Variants in ADGRL2 observed in about 807,000 individuals in gnomAD.
The protein encoded by ADGRL2 is calcium-independent alpha-latrotoxin receptor 2.
A neutral mutation model predicts 157.4 loss-of-function variants in ADGRL2; 44 were observed. That is an observed-to-expected ratio of 0.28 (90% CI 0.22 to 0.36). The LOEUF (loss-of-function observed/expected upper bound fraction) is 0.36. Among genes scored for constraint, ADGRL2 ranks in the 10% least tolerant of loss-of-function variants. The pLI, the probability that ADGRL2 is intolerant of heterozygous loss-of-function variation, is 1.00. For missense variants in ADGRL2, 1,510 were observed against 1,768.9 expected (o/e 0.85, Z 2.63); for synonymous variants, 585 against 624.7 (o/e 0.94, Z 0.95).
At chr1:81,730,366 CTAATTA>C (rs2084677174) in intron 1 of ADGRL2, among the ~76,000 whole-genome samples, 1 of 151,960 alleles carries the variant, frequency 6.6e-6, no homozygotes, top group African/African-American at 2.4e-5. Flanking sequence ...TTTAAATTTA[CTAATTA>C]TAATAACACA....
intron 2 of ADGRL2, among the ~76,000 whole-genome samples, chr1:81,531,482 G>A (rs1006594722): frequency 5.9e-5 from 9 of 152,172 alleles, no homozygotes; most frequent in African/African-American, 1.9e-4. Context: ...TAGTAGACAG[G>A]CAATTAATAA....
rs368813406 is a variant in ADGRL2 at position 81,526,340 on chromosome 1, TTAAC to T, written c.-247-54533_-247-54530del. On this transcript the variant is annotated intron_variant, in intron 2 of 24. Coordinates refer to the ADGRL2 transcript ENST00000370721. ...AAACCCTGATCAGCTATTTTGCAGT[TTAAC>T]TATTCCCTGTAGATATTTTCCTCAC... 9.9e-4 allele frequency among the ~76,000 whole-genome samples: 151 copies of T among 152,322 alleles called. 1 individual carries two copies. The highest frequency in any genetic ancestry group is 3.4e-3 in the African/African-American group (143 of 41,572).
intron 1 of ADGRL2, chr1:81,722,415 C>G: frequency 2.1e-6 from 2 of 945,760 alleles, no homozygotes; most frequent in Non-Finnish European, 3.4e-6. Flanking sequence ...TTCACAAATG[C>G]CATTAAGCTG....
chr1:81,978,307 G>A (rs1192513286), intron 17 of ADGRL2, among the ~76,000 whole-genome samples: 1 of 151,542 alleles, frequency 6.6e-6, no homozygotes, highest in East Asian at 1.9e-4. Context: ...TAACATCTCC[G>A]AAAATTCAAG....
At chr1:81,801,255 G>A (rs1401900376) in intron 1 of ADGRL2, among the ~76,000 whole-genome samples, 187 bp downstream of exon 1, 1 of 152,210 alleles carries the variant, frequency 6.6e-6, no homozygotes, top group Non-Finnish European at 1.5e-5. Context: ...ACTCAGGAGG[G>A]AGAGATTTGT....
At chr1:81,710,897 A>G (rs2083906290) in intron 1 of ADGRL2, among the ~76,000 whole-genome samples, 1 of 152,040 alleles carries the variant, frequency 6.6e-6, no homozygotes, top group South Asian at 2.1e-4. Flanking sequence ...AACCATATCA[A>G]TGAACATTTA....
chr1:81,610,105 C>T (rs145878819), intron 3 of ADGRL2, among the ~76,000 whole-genome samples: 1 of 152,172 alleles, frequency 6.6e-6, no homozygotes, highest in African/African-American at 2.4e-5. Flanking sequence ...GCTAGTTGCA[C>T]CAGGGGTGCA....
At chr1:81,453,914 G>GA (rs1358084488) in intron 2 of ADGRL2, among the ~76,000 whole-genome samples, 6 of 151,860 alleles carry the variant, frequency 4.0e-5, no homozygotes, top group South Asian at 2.1e-4. Flanking sequence ...GTTTTGGAAG[G>GA]AAAAAAAATC....
intron 16 of ADGRL2, 65 bp downstream of exon 16, chr1:81,970,599 C>T: frequency 8.6e-7 from 1 of 1,165,048 alleles, no homozygotes; most frequent in Non-Finnish European, 1.3e-6. Flanking sequence ...TGTTAGCTGT[C>T]AGTGAGGGTC....
chr1:81,502,885 C>T, intron 2 of ADGRL2: 4 of 1,613,458 alleles, frequency 2.5e-6, no homozygotes, highest in East Asian at 2.2e-5. Context: ...CATCCTTGGG[C>T]TTGGCTCCAG....
intron 1 of ADGRL2, among the ~76,000 whole-genome samples, chr1:81,406,029 G>A (rs1458025484): frequency 6.6e-6 from 1 of 152,112 alleles, no homozygotes; most frequent in African/African-American, 2.4e-5. Context: ...TCTTGAAAAA[G>A]TTTGAGAAGA....
chr1:81,990,324 A>G (rs965306742), intron 23 of ADGRL2, 67 bp from the exon 24 acceptor site: 13 of 1,541,072 alleles, frequency 8.4e-6, no homozygotes, highest in Non-Finnish European at 1.1e-5. Flanking sequence ...AGTTTTGTAC[A>G]AAAGAAATAG....
chr1:81,789,068 A>G (rs1284725194), intron 2 of ADGRL2, among the ~76,000 whole-genome samples: 1 of 152,180 alleles, frequency 6.6e-6, no homozygotes, highest in African/African-American at 2.4e-5. Flanking sequence ...TTGACAGATG[A>G]TAGATTAAAA....
chr1:81,967,946 C>T (rs1428494384), intron 13 of ADGRL2, 80 bp from the exon 14 acceptor site: 4 of 1,162,286 alleles, frequency 3.4e-6, no homozygotes, highest in Non-Finnish European at 5.1e-6. Flanking sequence ...ATCTAAATTA[C>T]CTTTTATACA....
intron 3 of ADGRL2, among the ~76,000 whole-genome samples, chr1:81,923,513 T>C (rs2148643494): frequency 6.6e-6 from 1 of 152,242 alleles, no homozygotes; most frequent in Non-Finnish European, 1.5e-5. Flanking sequence ...GCTCAGAGTA[T>C]CCCAAGAGTC....
chr1:81,684,008 G>T lies in ADGRL2; in HGVS notation c.-142-77803G>T, dbSNP rs1007750086. On this transcript the variant is annotated intron_variant, in intron 3 of 24. Transcript: ENST00000370721. ...ATTTTTTTATTTTTAGTAGAGATGAGGTTTCACCATGTTGGTCAGGCTGGT... is the reference window on the plus strand; with the variant it reads ...ATTTTTTTATTTTTAGTAGAGATGATGTTTCACCATGTTGGTCAGGCTGGT... Among the ~76,000 whole-genome samples, 7 of 151,946 alleles carry T rather than the reference G, an allele frequency of 4.6e-5. 1 individual carries two copies. The highest frequency in any genetic ancestry group is 4.6e-4 in the Admixed American group (7 of 15,274).
intron 3 of ADGRL2, among the ~76,000 whole-genome samples, chr1:81,912,288 T>C (rs1221612594): frequency 1.3e-5 from 2 of 151,986 alleles, no homozygotes; most frequent in Non-Finnish European, 2.9e-5. Context: ...TCCAGGATGG[T>C]CTCGAACTCT....
intron 2 of ADGRL2, among the ~76,000 whole-genome samples, chr1:81,473,446 T>A (rs2101879830): frequency 6.6e-6 from 1 of 152,372 alleles, no homozygotes; most frequent in Non-Finnish European, 1.5e-5. Context: ...ATCTGATTAA[T>A]ACTTGTTGCA....
intron 2 of ADGRL2, among the ~76,000 whole-genome samples, chr1:81,849,060 A>G (rs72717776): frequency 0.078 from 11,836 of 151,974 alleles, 533 homozygotes; most frequent in South Asian, 0.16. Context: ...TTAGCTTTCA[A>G]AAGCTCTTAC....
Sources: gnomAD v4.1 joint callset for allele counts (sites outside exome capture counted in the v4.1 genomes callset) on GRCh38, gnomAD v4.1.1 for gene constraint, MANE v1.5 for transcripts, NCBI Gene and HGNC (gene_info 2026-07-23, HGNC 2026-07-21) for gene names.